PDZRN4: variants seen among roughly 807,000 people sequenced by gnomAD.
PDZRN4 encodes PDZ domain containing ring finger 4.
In PDZRN4, 70 loss-of-function variants were observed where a neutral mutation model predicts 99.0. The ratio of observed to expected loss-of-function variants is 0.71; its 90% CI spans 0.58 to 0.86. PDZRN4 has a LOEUF of 0.86. PDZRN4 is among the 40% of genes least tolerant of loss of function. The pLI is 0.00. For missense variants in PDZRN4, 1,474 were observed against 1,331.2 expected, an observed-to-expected ratio of 1.11 and a Z score of -1.67; for synonymous variants, 551 against 501.6, an observed-to-expected ratio of 1.10 and a Z score of -1.32.
At chr12:41,472,634 TC>T (rs1953004440) in intron 3 of PDZRN4, among the ~76,000 whole-genome samples, 1 of 152,192 alleles carries the variant, frequency 6.6e-6, no homozygotes, top group Admixed American at 6.5e-5. Flanking sequence ...GCTCATCACA[TC>T]CCTTTTTACC....
intron 3 of PDZRN4, among the ~76,000 whole-genome samples, chr12:41,393,309 G>A (rs1000208219): frequency 2.0e-5 from 3 of 152,036 alleles, no homozygotes; most frequent in East Asian, 3.9e-4. Context: ...GTAAATGCAC[G>A]AACATATTAG....
intron 3 of PDZRN4, among the ~76,000 whole-genome samples, chr12:41,501,946 T>C (rs1039566423): frequency 6.6e-6 from 1 of 152,166 alleles, no homozygotes; most frequent in Non-Finnish European, 1.5e-5. Context: ...TCAAGTTTCA[T>C]ATGATTAAGA....
At chr12:41,417,515 G>A (rs1565577687) in intron 3 of PDZRN4, among the ~76,000 whole-genome samples, 2 of 152,132 alleles carry the variant, frequency 1.3e-5, no homozygotes, top group Non-Finnish European at 2.9e-5. Flanking sequence ...TTTCTGTTGT[G>A]TACCAGGCAG....
intron 3 of PDZRN4, among the ~76,000 whole-genome samples, chr12:41,493,600 C>T (rs1013899184): frequency 6.6e-6 from 1 of 152,142 alleles, no homozygotes; most frequent in Non-Finnish European, 1.5e-5. Flanking sequence ...GTTGTACACG[C>T]ATGCTCTCAG....
intron 3 of PDZRN4, among the ~76,000 whole-genome samples, chr12:41,465,845 A>G (rs1952919243): frequency 6.6e-6 from 1 of 152,242 alleles, no homozygotes; most frequent in South Asian, 2.1e-4. Context: ...AACTTAAGTT[A>G]TAATGCCACA....
chr12:41,557,118 TC>T (rs1939181179), intron 7 of PDZRN4, among the ~76,000 whole-genome samples: 1 of 123,618 alleles, frequency 8.1e-6, no homozygotes, highest in Admixed American at 1.0e-4. Flanking sequence ...ACCACTGTAC[TC>T]CAGCCTGGAT....
At position 41,573,216 on chromosome 12, in the gene PDZRN4, G is replaced by C. The variant is rs769059397; in HGVS notation, c.2437G>C (p.Gly813Arg). 5.0e-5 allele frequency: 80 copies of C among 1,613,992 alleles called. No individual in the cohort carries two copies. The highest frequency in any genetic ancestry group is 6.3e-5 in the Non-Finnish European group (74 of 1,180,022). The change falls in exon 10 of 10, where the codon GGC becomes CGC. Residue 813 changes from glycine (G) to arginine (R), a missense_variant. Transcript: ENST00000402685. ...TGAAAGCAAGGAGAAGGTTTTAGAA[G>C]GCAGCAAGCTTCCTGATCAAGAGAA... The part of the protein sequence containing the change: ...SAESKEKVLE[G>R]SKLPDQEKAV...
chr12:41,341,087 A>G (rs957488692), intron 3 of PDZRN4, among the ~76,000 whole-genome samples: 2 of 151,904 alleles, frequency 1.3e-5, no homozygotes, highest in Non-Finnish European at 2.9e-5. Context: ...ATTAAAACAC[A>G]TTAATAAAAA....
intron 3 of PDZRN4, among the ~76,000 whole-genome samples, chr12:41,306,165 G>A (rs1024327254): frequency 1.3e-5 from 2 of 152,130 alleles, no homozygotes; most frequent in Admixed American, 1.3e-4. Context: ...CACTAGGGTG[G>A]CAACATTGTC....
At position 41,222,672 on chromosome 12, in the gene PDZRN4, A is replaced by G. The variant is rs567330842; in HGVS notation, c.843+28484A>G. Among the ~76,000 whole-genome samples the G allele has an allele frequency of 6.6e-5, 10 of 152,062 alleles. No individual in the cohort carries two copies. The East Asian group carries it at 1.6e-3, about 24-fold the overall frequency. On this transcript the variant is annotated intron_variant, in intron 3 of 9. Coordinates refer to ENST00000402685, the MANE Select transcript of PDZRN4 (RefSeq NM_001164595.2). ...TAGCTGGGATTACAATTACAGGTGC[A>G]CACCACCATGCCCGGCTAGTTTTTG...
At chr12:41,331,860 A>T (rs1951742797) in intron 3 of PDZRN4, among the ~76,000 whole-genome samples, 2 of 152,086 alleles carry the variant, frequency 1.3e-5, no homozygotes, top group Admixed American at 6.6e-5. Flanking sequence ...CCCTCCCATG[A>T]CACATGGGGA....
chr12:41,473,661 C>T (rs1201658916), intron 3 of PDZRN4, among the ~76,000 whole-genome samples: 1 of 152,142 alleles, frequency 6.6e-6, no homozygotes, highest in Non-Finnish European at 1.5e-5. Flanking sequence ...ATTTATCTCT[C>T]CAGCTGTGGC....
intron 8 of PDZRN4, among the ~76,000 whole-genome samples, chr12:41,565,073 C>G (rs1465479783): frequency 6.6e-6 from 1 of 152,088 alleles, no homozygotes; most frequent in Admixed American, 6.6e-5. Flanking sequence ...ATAACATAGA[C>G]CAGATCCTGT....
intron 3 of PDZRN4, chr12:41,412,175 G>C (rs958952166): frequency 6.6e-6 from 1 of 152,120 alleles, no homozygotes; most frequent in Non-Finnish European, 1.5e-5. Flanking sequence ...ATGTAATGTA[G>C]CAGTCGTAGA....
At chr12:41,234,070 C>T (rs1463305424) in intron 3 of PDZRN4, among the ~76,000 whole-genome samples, 2 of 151,870 alleles carry the variant, frequency 1.3e-5, no homozygotes, top group African/African-American at 4.8e-5. Context: ...TTTATTGCTC[C>T]TTGATTAATA....
intron 5 of PDZRN4, among the ~76,000 whole-genome samples, chr12:41,549,170 A>C (rs1939012461): frequency 6.6e-6 from 1 of 152,192 alleles, no homozygotes. Flanking sequence ...CCATGGAGAA[A>C]ATGTACAGAG....
At chr12:41,355,188 A>T (rs929142210) in intron 3 of PDZRN4, among the ~76,000 whole-genome samples, 7 of 152,062 alleles carry the variant, frequency 4.6e-5, no homozygotes, top group African/African-American at 1.4e-4. Flanking sequence ...AAAATTGGCT[A>T]CCAGAGGGAG....
chr12:41,474,307 A>C (rs1592074913), intron 3 of PDZRN4, among the ~76,000 whole-genome samples: 1 of 152,330 alleles, frequency 6.6e-6, no homozygotes, highest in South Asian at 2.1e-4. Context: ...AGAGAGGTTA[A>C]GTGTCTTGTC....
intron 3 of PDZRN4, among the ~76,000 whole-genome samples, chr12:41,294,440 G>T (rs1174906613): frequency 6.6e-6 from 1 of 152,078 alleles, no homozygotes; most frequent in African/African-American, 2.4e-5. Flanking sequence ...AAATGACAAG[G>T]TTGATTTCAA....
Sources: allele counts gnomAD v4.1 joint callset (sites outside exome capture counted in the v4.1 genomes callset), GRCh38; gene constraint gnomAD v4.1.1; transcripts MANE v1.5; gene names NCBI Gene and HGNC (gene_info 2026-07-23, HGNC 2026-07-21).